Variants in RALA observed in about 807,000 individuals in gnomAD.
RALA encodes the protein ras-related protein Ral-A.
Under a neutral mutation model 24.0 loss-of-function variants are expected in RALA, and 5 were observed. That is an observed-to-expected ratio of 0.21 (90% CI 0.11 to 0.44). The LOEUF (loss-of-function observed/expected upper bound fraction) is 0.44. Ranked by LOEUF, RALA falls within the 20% of genes least tolerant of loss-of-function variation. The probability of loss-of-function intolerance (pLI) is 0.99; values close to 1 mark genes in which losing one functional copy is unlikely to be tolerated. For synonymous variants in RALA, 77 were observed against 83.8 expected (o/e 0.92, Z 0.44); for missense variants, 95 against 241.2 (o/e 0.39, Z 4.01).
At chr7:39,696,147 A>G (rs1030913365) in intron 3 of RALA, among the ~76,000 whole-genome samples, 2 of 152,216 alleles carry the variant, frequency 1.3e-5, no homozygotes, top group Non-Finnish European at 2.9e-5. Flanking sequence ...TTACCTCTCA[A>G]TGCAAAATCT....
At chr7:39,629,657 G>A (rs6942614) in intron 1 of RALA, among the ~76,000 whole-genome samples, 11,746 of 150,666 alleles carry the variant, frequency 0.078, 972 homozygotes, top group African/African-American at 0.21. Context: ...GTACAGTGGC[G>A]CCATCTCAGC....
intron 3 of RALA, among the ~76,000 whole-genome samples, chr7:39,691,701 T>A (rs774569898): frequency 1.7e-4 from 26 of 152,194 alleles, no homozygotes; most frequent in Non-Finnish European, 2.9e-4. Flanking sequence ...AGCAGGTAAT[T>A]GAGAAACTCT....
At chr7:39,645,473 G>A (rs1791909416) in intron 1 of RALA, among the ~76,000 whole-genome samples, 1 of 152,180 alleles carries the variant, frequency 6.6e-6, no homozygotes, top group Non-Finnish European at 1.5e-5. Flanking sequence ...AGGGAATGAT[G>A]ATAGTAATTG....
chr7:39,661,371 CA>C (rs1374631957), intron 1 of RALA, among the ~76,000 whole-genome samples: 2 of 152,240 alleles, frequency 1.3e-5, no homozygotes, highest in African/African-American at 2.4e-5. Context: ...CAAAAGTCCA[CA>C]GTTCAGTCAC....
intron 2 of RALA, among the ~76,000 whole-genome samples, chr7:39,688,677 G>A (rs992544260): frequency 2.0e-5 from 3 of 151,108 alleles, no homozygotes; most frequent in South Asian, 2.1e-4. Context: ...AGGCTCAAGC[G>A]ATCCTCCCAT....
intron 4 of RALA, among the ~76,000 whole-genome samples, chr7:39,704,159 CAAA>C (rs796540060): frequency 0.33 from 39,087 of 116,860 alleles, 6,232 homozygotes; most frequent in Non-Finnish European, 0.41. Context: ...GAGACTCTCT[CAAA>C]AAAAAAAAAA....
At chr7:39,688,367 C>A (rs1792746891) in intron 2 of RALA, among the ~76,000 whole-genome samples, 1 of 150,990 alleles carries the variant, frequency 6.6e-6, no homozygotes, top group African/African-American at 2.4e-5. Flanking sequence ...GCATTCCAGC[C>A]TACACAACAG....
chr7:39,631,541 A>G (rs1475973811), intron 1 of RALA, among the ~76,000 whole-genome samples: 1 of 152,172 alleles, frequency 6.6e-6, no homozygotes, highest in African/African-American at 2.4e-5. Context: ...TGACATCTTG[A>G]TGGTATTGAG....
intron 3 of RALA, among the ~76,000 whole-genome samples, chr7:39,692,411 C>G (rs1023191042): frequency 1.3e-5 from 2 of 152,270 alleles, no homozygotes; most frequent in East Asian, 1.9e-4. Context: ...GATTCAAAAA[C>G]CTTTACCTTT....
rs541143036 is a variant in RALA at position 39,643,630 on chromosome 7, C to T, written c.-38+19805C>T. 3.9e-5 allele frequency among the ~76,000 whole-genome samples: 6 copies of T among 152,172 alleles called. No homozygotes were observed. The South Asian group carries it at 8.3e-4, about 21-fold the overall frequency. On this transcript the variant is annotated intron_variant, in intron 1 of 4. Transcript: ENST00000005257. ...CAGCACTTTGGGAGGCAGATGCAGG[C>T]GGATCACTTGAGGTCAGGAGTTCGA...
At chr7:39,665,544 G>C (rs1247582816) in intron 1 of RALA, among the ~76,000 whole-genome samples, 2 of 151,978 alleles carry the variant, frequency 1.3e-5, no homozygotes, top group East Asian at 3.9e-4. Flanking sequence ...AGAGTCGACT[G>C]TATAACACAC....
intron 1 of RALA, among the ~76,000 whole-genome samples, chr7:39,660,180 CTTAAAAAGTACAAAAA>C (rs1412137304): frequency 2.6e-5 from 4 of 152,036 alleles, no homozygotes; most frequent in African/African-American, 4.8e-5. Context: ...CCCACCTCTA[CTTAAAAAGTACAAAAA>C]TTAGCCGGGT....
At chr7:39,674,404 A>G (rs1381935483) in intron 1 of RALA, among the ~76,000 whole-genome samples, 1 of 152,198 alleles carries the variant, frequency 6.6e-6, no homozygotes, top group African/African-American at 2.4e-5. Flanking sequence ...TTACTAAGCC[A>G]TTCTCGTATC....
At chr7:39,673,571 T>G (rs1042731207) in intron 1 of RALA, among the ~76,000 whole-genome samples, 1 of 152,212 alleles carries the variant, frequency 6.6e-6, no homozygotes, top group Non-Finnish European at 1.5e-5. Context: ...GAGAAGAAAT[T>G]TAATTGTATA....
rs1293454339 is a variant in RALA, at chr7:39,687,793, T to C, written c.114+1012T>C. 3.9e-5 allele frequency among the ~76,000 whole-genome samples: 6 copies of C among 152,222 alleles called. No individual in the cohort carries two copies. In the South Asian group the frequency reaches 1.2e-3, roughly 31 times the overall value. On this transcript the variant is annotated intron_variant, in intron 2 of 4. Transcript: ENST00000005257. ...GTGGGAGATGGTGATATCCCCATTT[T>C]ACAGATGTGAAAACAGAACCTCAGA...
chr7:39,685,326 T>TG (rs1792678006), intron 1 of RALA, among the ~76,000 whole-genome samples: 1 of 152,178 alleles, frequency 6.6e-6, no homozygotes, highest in Admixed American at 6.5e-5. Flanking sequence ...GAGACCGTTG[T>TG]GGGTCTGATG....
intron 1 of RALA, among the ~76,000 whole-genome samples, chr7:39,676,756 A>C (rs1317749446): frequency 2.0e-5 from 3 of 152,166 alleles, no homozygotes; most frequent in Admixed American, 2.0e-4. Context: ...TTCCTTAGTA[A>C]GTATTGAAAA....
intron 1 of RALA, among the ~76,000 whole-genome samples, chr7:39,671,685 A>G (rs574571854): frequency 6.6e-6 from 1 of 152,294 alleles, no homozygotes; most frequent in South Asian, 2.1e-4. Flanking sequence ...AATAAATTTT[A>G]TTTTGCAGAC....
intron 1 of RALA, among the ~76,000 whole-genome samples, chr7:39,648,584 A>G (rs912798717): frequency 3.3e-5 from 5 of 152,176 alleles, no homozygotes; most frequent in Admixed American, 1.3e-4. Flanking sequence ...AAAGGATGTG[A>G]GGGAGTGAGC....
Sources: gnomAD v4.1 joint callset for allele counts (sites outside exome capture counted in the v4.1 genomes callset) on GRCh38, gnomAD v4.1.1 for gene constraint, MANE v1.5 for transcripts, NCBI Gene and HGNC (gene_info 2026-07-23, HGNC 2026-07-21) for gene names.